APAF1: variants seen among roughly 807,000 people sequenced by gnomAD.
APAF1 encodes apoptotic peptidase activating factor 1.
Under a neutral mutation model 152.4 loss-of-function variants are expected in APAF1, and 91 were observed. That is an observed-to-expected ratio of 0.60 (90% CI 0.50 to 0.71). The LOEUF (loss-of-function observed/expected upper bound fraction) is 0.71. Ranked by LOEUF, APAF1 falls within the 30% of genes least tolerant of loss-of-function variation. APAF1 has a pLI of 0.00. For missense variants in APAF1, 1,283 were observed against 1,472.0 expected, an observed-to-expected ratio of 0.87 and a Z score of 2.10; for synonymous variants, 484 against 494.1, an observed-to-expected ratio of 0.98 and a Z score of 0.27.
At chr12:98,723,087 C>A in intron 22 of APAF1, 106 bp from the exon 23 acceptor site, 1 of 1,155,022 alleles carries the variant, frequency 8.7e-7, no homozygotes, top group Non-Finnish European at 1.3e-6. Flanking sequence ...TACTGAAATG[C>A]CATGTGAGTA....
At chr12:98,713,589 A>G (rs2097730547) in intron 21 of APAF1, among the ~76,000 whole-genome samples, 1 of 152,266 alleles carries the variant, frequency 6.6e-6, no homozygotes, top group South Asian at 2.1e-4. Context: ...GTAGTATAAT[A>G]AAAGGCATTT....
At chr12:98,657,796 A>G (rs1047930973) in intron 4 of APAF1, among the ~76,000 whole-genome samples, 2 of 152,182 alleles carry the variant, frequency 1.3e-5, no homozygotes, top group African/African-American at 4.8e-5. Context: ...AAATTACTCA[A>G]CTTTTCTATT....
chr12:98,651,600 A>G (rs2097649062), intron 4 of APAF1, among the ~76,000 whole-genome samples: 1 of 152,206 alleles, frequency 6.6e-6, no homozygotes, highest in Admixed American at 6.5e-5. Flanking sequence ...TTGAACTTCT[A>G]TGTGAGTAAG....
intron 16 of APAF1, among the ~76,000 whole-genome samples, chr12:98,690,288 G>A (rs146198251): frequency 1.3e-5 from 2 of 152,196 alleles, no homozygotes; most frequent in Non-Finnish European, 2.9e-5. Context: ...TTAGCTAGCT[G>A]TTAGTGGGTG....
At chr12:98,687,361 CAAA>C (rs58734555) in intron 16 of APAF1, among the ~76,000 whole-genome samples, 3 of 92,124 alleles carry the variant, frequency 3.3e-5, no homozygotes, top group Non-Finnish European at 2.3e-5. Flanking sequence ...GACTCCGTCT[CAAA>C]AAAAAAAAAA....
intron 14 of APAF1, among the ~76,000 whole-genome samples, chr12:98,681,354 G>C (rs985077306): frequency 9.2e-5 from 14 of 152,286 alleles, no homozygotes; most frequent in Admixed American, 3.9e-4. Flanking sequence ...GAGCCACTGT[G>C]CCCCGCCAGA....
At chr12:98,725,890 T>C (rs564549916) in intron 25 of APAF1, among the ~76,000 whole-genome samples, 1 of 152,370 alleles carries the variant, frequency 6.6e-6, no homozygotes, top group East Asian at 1.9e-4. Context: ...TTGTAAATTA[T>C]GGTCTGGATT....
At chr12:98,650,148 A>G (rs925340302) in intron 4 of APAF1, among the ~76,000 whole-genome samples, 1 of 152,104 alleles carries the variant, frequency 6.6e-6, no homozygotes, top group Non-Finnish European at 1.5e-5. Context: ...TTCTCTCTGT[A>G]TGACACTTCT....
At position 98,727,209 on chromosome 12, in the gene APAF1, T is replaced by C; in HGVS notation, c.3493T>C (p.Cys1165Arg). 1 of 1,614,182 alleles carries C rather than the reference T, an allele frequency of 6.2e-7. No homozygotes were observed. The highest frequency in any genetic ancestry group is 8.5e-7 in the Non-Finnish European group (1 of 1,180,002). ...CTCAAACGGTGAGCTTCTTCATTTG[T>C]GTGCTCCGCTTTCAGAAGAAGGAGC... Reference protein sequence around the residue: ...NVSNGELLHLCAPLSEEGAAT... With the variant: ...NVSNGELLHLRAPLSEEGAAT... Residue 1165 changes from cysteine to arginine, a missense_variant, in exon 26 of 27, where the codon TGT (cysteine) becomes CGT (arginine). Coordinates refer to ENST00000551964, the MANE Select transcript of APAF1 (RefSeq NM_181861.2).
intron 5 of APAF1, among the ~76,000 whole-genome samples, chr12:98,659,752 GA>G (rs34536171): frequency 0.035 from 3,140 of 89,984 alleles, 69 homozygotes; most frequent in African/African-American, 0.097. Context: ...AACTCCATCA[GA>G]AAAAAAAAAA....
intron 4 of APAF1, among the ~76,000 whole-genome samples, chr12:98,651,221 A>AATAAG (rs2097648557): frequency 1.3e-5 from 2 of 152,218 alleles, no homozygotes; most frequent in African/African-American, 4.8e-5. Context: ...GTAGATCTGT[A>AATAAG]CTAGGCTGAG....
At chr12:98,724,967 A>G (rs2097748309) in intron 24 of APAF1, among the ~76,000 whole-genome samples, 1 of 152,254 alleles carries the variant, frequency 6.6e-6, no homozygotes, top group Non-Finnish European at 1.5e-5. Context: ...TACTTGTCAC[A>G]TGCTAGTAAT....
chr12:98,667,766 T>A (rs2097675039), intron 10 of APAF1, 122 bp downstream of exon 10: 2 of 84,996 alleles, frequency 2.4e-5, no homozygotes, highest in Non-Finnish European at 3.2e-5. Context: ...TTCCATTTGA[T>A]TTTTTTTTTT....
intron 4 of APAF1, among the ~76,000 whole-genome samples, chr12:98,653,126 G>A (rs530973517): frequency 1.4e-4 from 21 of 151,824 alleles, no homozygotes; most frequent in African/African-American, 5.1e-4. Context: ...TCTGGAGTCT[G>A]CCTTTGTATG....
intron 15 of APAF1, among the ~76,000 whole-genome samples, chr12:98,685,396 C>T (rs1463892321): frequency 1.3e-5 from 2 of 150,152 alleles, no homozygotes; most frequent in Non-Finnish European, 3.0e-5. Context: ...AGTGCAGTGG[C>T]ACGATCTTGG....
chr12:98,707,717 T>G (rs1243935621), intron 19 of APAF1, among the ~76,000 whole-genome samples: 2 of 150,350 alleles, frequency 1.3e-5, no homozygotes, highest in African/African-American at 4.9e-5. Flanking sequence ...TATATACATA[T>G]AAATTTACTA....
intron 22 of APAF1, 103 bp from the exon 23 acceptor site, chr12:98,723,090 T>C: frequency 8.3e-7 from 1 of 1,204,960 alleles, no homozygotes. Context: ...TGAAATGCCA[T>C]GTGAGTAAAA....
chr12:98,717,902 G>T (rs926872610), intron 22 of APAF1, among the ~76,000 whole-genome samples: 1 of 152,152 alleles, frequency 6.6e-6, no homozygotes, highest in African/African-American at 2.4e-5. Flanking sequence ...ACTTTGTTGT[G>T]AGTATCTTCA....
chr12:98,730,472 G>C (rs751439895), intron 26 of APAF1, among the ~76,000 whole-genome samples: 15 of 152,198 alleles, frequency 9.9e-5, no homozygotes, highest in Non-Finnish European at 1.5e-5. Context: ...ATGTTACAAA[G>C]ATCAGTGACC....
Sources: gnomAD v4.1 joint callset for allele counts (sites outside exome capture counted in the v4.1 genomes callset) on GRCh38, gnomAD v4.1.1 for gene constraint, MANE v1.5 for transcripts, NCBI Gene and HGNC (gene_info 2026-07-23, HGNC 2026-07-21) for gene names.